CDIN1: variants seen among roughly 807,000 people sequenced by gnomAD.
CDIN1 encodes the protein CDAN1 interacting nuclease 1, also known as CDAN1-interacting nuclease 1.
CDIN1 carries 33 observed loss-of-function variants against 45.3 expected under a neutral mutation model. That is an observed-to-expected ratio of 0.73 (90% CI 0.55 to 0.97). The LOEUF is 0.97. Among genes scored for constraint, CDIN1 ranks in the 50% least tolerant of loss-of-function variants. The probability of loss-of-function intolerance (pLI) is 0.00; values close to 1 mark genes in which losing one functional copy is unlikely to be tolerated. For missense variants in CDIN1, 303 were observed against 339.4 expected, an observed-to-expected ratio of 0.89 and a Z score of 0.84; for synonymous variants, 118 against 124.4, an observed-to-expected ratio of 0.95 and a Z score of 0.34.
intron 10 of CDIN1, among the ~76,000 whole-genome samples, chr15:36,739,137 A>G (rs1421005454): frequency 1.3e-5 from 2 of 152,324 alleles, no homozygotes; most frequent in East Asian, 3.9e-4. Flanking sequence ...TCATGCCTAT[A>G]ATCCCAACAC....
intron 10 of CDIN1, among the ~76,000 whole-genome samples, chr15:36,749,967 G>A (rs2053414551): frequency 6.6e-6 from 1 of 152,150 alleles, no homozygotes. Context: ...TATACCTTCT[G>A]CAAATGCATT....
At position 36,808,490 on chromosome 15, in the gene CDIN1, G is replaced by T. The variant is rs1382529691; in HGVS notation, c.*37G>T. ...CTGGAAGAGAAGCTGGGAGGAAAAG[G>T]TGAATCCGGAAGCAATTTTACTTTC... On this transcript the variant is annotated 3_prime_UTR_variant, in exon 11 of 11. Coordinates refer to ENST00000566621, the MANE Select transcript of CDIN1 (RefSeq NM_001321759.2). 6.2e-7 allele frequency: 1 copy of T among 1,610,170 alleles called. No homozygotes were observed. Among genetic ancestry groups the T allele is most frequent in the Admixed American group, 1.7e-5 (1 of 59,492 alleles).
chr15:36,702,301 G>T (rs1367658476), intron 8 of CDIN1, among the ~76,000 whole-genome samples: 1 of 152,182 alleles, frequency 6.6e-6, no homozygotes, highest in Non-Finnish European at 1.5e-5. Context: ...GATTGTCATG[G>T]TGAGAGACTT....
chr15:36,728,863 G>A (rs147150844), intron 10 of CDIN1, among the ~76,000 whole-genome samples: 2,104 of 151,900 alleles, frequency 0.014, 36 homozygotes, highest in Middle Eastern at 0.041. Context: ...TAGTAGAGAC[G>A]GGGTTTCACC....
chr15:36,600,478 A>G (rs2038042727), intron 1 of CDIN1, among the ~76,000 whole-genome samples: 1 of 152,238 alleles, frequency 6.6e-6, no homozygotes, highest in African/African-American at 2.4e-5. Context: ...GCAAATGTCA[A>G]GCATTTGTTA....
At chr15:36,765,213 G>A (rs1284912047) in intron 10 of CDIN1, among the ~76,000 whole-genome samples, 5 of 151,710 alleles carry the variant, frequency 3.3e-5, no homozygotes, top group Non-Finnish European at 5.9e-5. Flanking sequence ...CTGCCTCCAT[G>A]CCTGGCTAAT....
intron 8 of CDIN1, 123 bp from the exon 9 acceptor site, chr15:36,709,100 A>T: frequency 1.4e-6 from 1 of 692,114 alleles, no homozygotes. Flanking sequence ...CACTGCATGC[A>T]TAAGAAAGAT....
chr15:36,739,909 CT>C (rs1171115342), intron 10 of CDIN1, among the ~76,000 whole-genome samples: 3 of 152,136 alleles, frequency 2.0e-5, no homozygotes, highest in Admixed American at 6.5e-5. Context: ...AAGTTTTATT[CT>C]TTTTTTAAAC....
chr15:36,609,523 G>T (rs1173379620), intron 1 of CDIN1, among the ~76,000 whole-genome samples: 1 of 152,162 alleles, frequency 6.6e-6, no homozygotes, highest in East Asian at 1.9e-4. Context: ...GCACTTTAAA[G>T]GGGGGACCGA....
chr15:36,688,907 C>T (rs2042148678), intron 5 of CDIN1, among the ~76,000 whole-genome samples: 1 of 152,170 alleles, frequency 6.6e-6, no homozygotes, highest in Non-Finnish European at 1.5e-5. Flanking sequence ...TTGGCAGATA[C>T]ATCCTGGGTC....
At chr15:36,797,211 G>A (rs753811566) in intron 10 of CDIN1, among the ~76,000 whole-genome samples, 1 of 152,188 alleles carries the variant, frequency 6.6e-6, no homozygotes, top group African/African-American at 2.4e-5. Flanking sequence ...TTAATAGTTT[G>A]CTATCTCTTC....
chr15:36,774,129 CA>C (rs2054148241), intron 10 of CDIN1, among the ~76,000 whole-genome samples: 1 of 126,402 alleles, frequency 7.9e-6, no homozygotes, highest in African/African-American at 3.9e-5. Context: ...AAGTAACTGA[CA>C]GGGGTGTGTG....
At chr15:36,588,018 C>G (rs1343919843) in intron 1 of CDIN1, among the ~76,000 whole-genome samples, 1 of 152,188 alleles carries the variant, frequency 6.6e-6, no homozygotes, top group Non-Finnish European at 1.5e-5. Flanking sequence ...AAGGTAGTAG[C>G]TGATCTACAG....
At chr15:36,753,584 A>C (rs1017387533) in intron 10 of CDIN1, among the ~76,000 whole-genome samples, 1 of 151,580 alleles carries the variant, frequency 6.6e-6, no homozygotes, top group Non-Finnish European at 1.5e-5. Flanking sequence ...TGCATAGACA[A>C]AATGGAATCA....
At chr15:36,685,240 C>T (rs2041999224) in intron 5 of CDIN1, among the ~76,000 whole-genome samples, 1 of 151,740 alleles carries the variant, frequency 6.6e-6, no homozygotes, top group Non-Finnish European at 1.5e-5. Flanking sequence ...TCCCTCTACA[C>T]ACTGCTTTGA....
At chr15:36,686,653 G>T (rs1175643193) in intron 5 of CDIN1, among the ~76,000 whole-genome samples, 1 of 151,374 alleles carries the variant, frequency 6.6e-6, no homozygotes, top group East Asian at 1.9e-4. Flanking sequence ...GCCGAGGCAG[G>T]TGAATCACTT....
intron 8 of CDIN1, among the ~76,000 whole-genome samples, chr15:36,701,416 T>TG (rs1458644090): frequency 2.6e-5 from 4 of 151,240 alleles, no homozygotes; most frequent in Non-Finnish European, 5.9e-5. Flanking sequence ...TTTTTGTGTG[T>TG]TTTTTTTAGC....
chr15:36,594,565 C>T (rs1348121873), intron 1 of CDIN1, among the ~76,000 whole-genome samples: 3 of 152,166 alleles, frequency 2.0e-5, no homozygotes, highest in Non-Finnish European at 4.4e-5. Flanking sequence ...GCTGAATATA[C>T]TGTCTGCTGA....
intron 1 of CDIN1, among the ~76,000 whole-genome samples, chr15:36,590,622 C>T (rs2140185098): frequency 6.6e-6 from 1 of 152,226 alleles, no homozygotes; most frequent in Non-Finnish European, 1.5e-5. Context: ...CATCATTGCT[C>T]CCCACCCCCA....
Sources: gnomAD v4.1 joint callset for allele counts (sites outside exome capture counted in the v4.1 genomes callset) on GRCh38, gnomAD v4.1.1 for gene constraint, MANE v1.5 for transcripts, NCBI Gene and HGNC (gene_info 2026-07-23, HGNC 2026-07-21) for gene names.